The following SPIDR variants were observed in gnomAD, a reference collection of about 807,000 sequenced individuals.
SPIDR encodes the protein DNA repair-scaffolding protein.
SPIDR carries 93 observed loss-of-function variants against 104.6 expected under a neutral mutation model. That is an observed-to-expected ratio of 0.89 (90% CI 0.75 to 1.06). The LOEUF is 1.06. SPIDR is among the 50% of genes least tolerant of loss of function. SPIDR has a pLI of 0.00. For synonymous variants in SPIDR, 431 were observed against 416.9 expected (o/e 1.03, Z -0.41); for missense variants, 1,154 against 1,111.2 (o/e 1.04, Z -0.55).
chr8:47,292,835 C>T lies in SPIDR; in HGVS notation c.362-1032C>T, dbSNP rs1270948883. On this transcript the variant is annotated intron_variant, in intron 4 of 19. Coordinates refer to ENST00000297423, the MANE Select transcript of SPIDR (RefSeq NM_001080394.4). ...TATTTATTTTGTATTGTGAGTATCTCGAATGGTGTGATGGGCTCTTTTTAG... is the reference window on the plus strand; with the variant it reads ...TATTTATTTTGTATTGTGAGTATCTTGAATGGTGTGATGGGCTCTTTTTAG... 1.2e-4 allele frequency among the ~76,000 whole-genome samples: 18 copies of T among 151,908 alleles called. No individual in the cohort carries two copies. In the East Asian group the frequency reaches 3.3e-3, roughly 28 times the overall value.
At chr8:47,545,089 T>C (rs960523538) in intron 8 of SPIDR, among the ~76,000 whole-genome samples, 1 of 132,944 alleles carries the variant, frequency 7.5e-6, no homozygotes, top group Admixed American at 8.5e-5. Flanking sequence ...CTTTCTTTCT[T>C]TCTTTCTTTC....
chr8:47,596,532 A>G (rs1481385660), intron 9 of SPIDR, among the ~76,000 whole-genome samples: 1 of 152,218 alleles, frequency 6.6e-6, no homozygotes, highest in Non-Finnish European at 1.5e-5. Context: ...GGTATTTACC[A>G]TAAATGGAGC....
At chr8:47,362,747 G>A (rs2056315862) in intron 5 of SPIDR, among the ~76,000 whole-genome samples, 1 of 152,178 alleles carries the variant, frequency 6.6e-6, no homozygotes, top group African/African-American at 2.4e-5. Context: ...CCACCTCCCA[G>A]GTTCAAGCAA....
intron 8 of SPIDR, among the ~76,000 whole-genome samples, chr8:47,558,170 G>A (rs1170835999): frequency 6.6e-6 from 1 of 152,144 alleles, no homozygotes; most frequent in African/African-American, 2.4e-5. Flanking sequence ...GGAGGGAGCA[G>A]GGCAAGGTTG....
rs1266116751 is a variant in SPIDR at position 47,700,458 on chromosome 8, A to T, written c.1741A>T (p.Lys581Ter). 6.2e-7 allele frequency: 1 copy of T among 1,614,216 alleles called. No homozygotes were observed. Among genetic ancestry groups the T allele is most frequent in the Admixed American group, 1.7e-5 (1 of 60,034 alleles). Reference sequence around the variant, plus strand: ...CCTGTGGCCCCCAGCGATACCTCTGAAAACACCTGGCCGCGACCAGCCCTG... The same window carrying T: ...CCTGTGGCCCCCAGCGATACCTCTGTAAACACCTGGCCGCGACCAGCCCTG... Reference protein sequence around the residue: ...DTLWPPAIPLKTPGRDQPCEE... With the variant: ...DTLWPPAIPL The change falls in exon 12 of 20, where the codon AAA becomes TAA. Residue 581 changes from lysine to a stop codon, truncating the protein, a stop_gained. Coordinates refer to ENST00000297423, the MANE Select transcript of SPIDR (RefSeq NM_001080394.4). LOFTEE classifies it high-confidence loss of function.
At chr8:47,663,903 G>A (rs1249430689) in intron 10 of SPIDR, among the ~76,000 whole-genome samples, 2 of 152,218 alleles carry the variant, frequency 1.3e-5, no homozygotes, top group Non-Finnish European at 2.9e-5. Flanking sequence ...CATTTAGCTG[G>A]AGAAAATTAT....
intron 5 of SPIDR, among the ~76,000 whole-genome samples, chr8:47,363,199 CTTT>C (rs34705214): frequency 3.8e-5 from 3 of 79,692 alleles, no homozygotes; most frequent in African/African-American, 1.6e-4. Context: ...CTTTATCTCT[CTTT>C]TTTTTTTTTT....
chr8:47,674,122 A>G (rs2076132937), intron 11 of SPIDR, among the ~76,000 whole-genome samples, 181 bp downstream of exon 11: 1 of 152,190 alleles, frequency 6.6e-6, no homozygotes, highest in African/African-American at 2.4e-5. Context: ...AAGAATTTCA[A>G]TTGACAACGA....
At chr8:47,531,835 T>C (rs1245919619) in intron 8 of SPIDR, among the ~76,000 whole-genome samples, 1 of 152,066 alleles carries the variant, frequency 6.6e-6, no homozygotes, top group East Asian at 1.9e-4. Flanking sequence ...TGAACCACCA[T>C]TATGTGGCAT....
intron 5 of SPIDR, among the ~76,000 whole-genome samples, chr8:47,325,171 A>AT (rs1563624074): frequency 6.6e-6 from 1 of 152,180 alleles, no homozygotes; most frequent in Non-Finnish European, 1.5e-5. Context: ...AAAAATGAAG[A>AT]TGGAGATTTT....
intron 5 of SPIDR, among the ~76,000 whole-genome samples, chr8:47,346,724 C>G (rs1243343429): frequency 2.0e-5 from 3 of 152,170 alleles, no homozygotes; most frequent in African/African-American, 7.2e-5. Flanking sequence ...CCCATTTCTT[C>G]TAGATTTTCT....
intron 7 of SPIDR, among the ~76,000 whole-genome samples, chr8:47,439,502 A>G (rs2068979872): frequency 6.6e-6 from 1 of 152,208 alleles, no homozygotes. Context: ...TGGTTTACCC[A>G]TCTTTCTGAT....
At chr8:47,406,359 G>T (rs934280992) in intron 6 of SPIDR, among the ~76,000 whole-genome samples, 3 of 152,090 alleles carry the variant, frequency 2.0e-5, no homozygotes, top group Non-Finnish European at 4.4e-5. Flanking sequence ...GCCTCAGTTT[G>T]TCATCTATAA....
intron 1 of SPIDR, among the ~76,000 whole-genome samples, chr8:47,262,026 C>T (rs2032530311): frequency 6.6e-6 from 1 of 152,236 alleles, no homozygotes; most frequent in Admixed American, 6.5e-5. Flanking sequence ...TCCTGTCTTG[C>T]AACAGCTCAT....
intron 5 of SPIDR, among the ~76,000 whole-genome samples, chr8:47,353,452 T>C (rs1445483216): frequency 6.6e-6 from 1 of 152,140 alleles, no homozygotes; most frequent in African/African-American, 2.4e-5. Flanking sequence ...CTCCCTAATA[T>C]GCAAGCTTAG....
chr8:47,498,193 T>C (rs2079761494), intron 8 of SPIDR, among the ~76,000 whole-genome samples: 3 of 152,160 alleles, frequency 2.0e-5, no homozygotes, highest in Admixed American at 2.0e-4. Context: ...CTGTCTCTCT[T>C]TCTCTCCCTT....
intron 8 of SPIDR, among the ~76,000 whole-genome samples, chr8:47,523,086 G>A (rs1314724190): frequency 3.3e-5 from 5 of 151,876 alleles, no homozygotes; most frequent in Non-Finnish European, 5.9e-5. Context: ...CTGCAGCCTC[G>A]ACCTCCCAGG....
chr8:47,422,462 G>A (rs782625183), intron 7 of SPIDR, among the ~76,000 whole-genome samples: 7 of 152,206 alleles, frequency 4.6e-5, no homozygotes, highest in South Asian at 2.1e-4. Context: ...TTGGAAAAGC[G>A]CAGTATTAGG....
intron 11 of SPIDR, among the ~76,000 whole-genome samples, chr8:47,677,870 T>G (rs2076635057): frequency 6.6e-6 from 1 of 152,054 alleles, no homozygotes. Flanking sequence ...ATGTAGGATT[T>G]AGAGAGAGAG....
Sources: gnomAD v4.1 joint callset for allele counts (sites outside exome capture counted in the v4.1 genomes callset) on GRCh38, gnomAD v4.1.1 for gene constraint, MANE v1.5 for transcripts, NCBI Gene and HGNC (gene_info 2026-07-23, HGNC 2026-07-21) for gene names.